Variants in SORCS1 observed in about 807,000 individuals in gnomAD.
SORCS1 encodes the protein sortilin related VPS10 domain containing receptor 1, also known as VPS10 domain-containing receptor SorCS1.
Under a neutral mutation model 146.1 loss-of-function variants are expected in SORCS1, and 60 were observed. The ratio of observed to expected loss-of-function variants is 0.41; its 90% CI spans 0.33 to 0.51. SORCS1 has a LOEUF of 0.51. Among genes scored for constraint, SORCS1 ranks in the 20% least tolerant of loss-of-function variants. SORCS1 has a pLI of 0.21. For missense variants in SORCS1, 1,352 were observed against 1,487.6 expected, an observed-to-expected ratio of 0.91 and a Z score of 1.50; for synonymous variants, 637 against 584.0, an observed-to-expected ratio of 1.09 and a Z score of -1.31.
chr10:106,802,430 C>A (rs1390363544), intron 3 of SORCS1, among the ~76,000 whole-genome samples: 1 of 151,916 alleles, frequency 6.6e-6, no homozygotes, highest in East Asian at 1.9e-4. Context: ...CTCCCGGGTT[C>A]AAACAATCCT....
intron 1 of SORCS1, among the ~76,000 whole-genome samples, chr10:106,999,748 T>A (rs74600953): frequency 0.033 from 5,045 of 152,268 alleles, 267 homozygotes; most frequent in African/African-American, 0.11. Context: ...TTAATTCAGG[T>A]TTTACAAATT....
Position 106,970,336 on chromosome 10 carries a change from C to CTTTTT in SORCS1, c.559-13761_559-13757dup, listed in dbSNP as rs766818370. The stretch of plus-strand genomic sequence containing the variant: ...TTCCCTCCAAATGTAACCAACATCT[C>CTTTTT]TTTTTTTTTTTTTTTTTTTGAGATG... On this transcript the variant is annotated intron_variant, in intron 1 of 25. Coordinates refer to ENST00000263054, the MANE Select transcript of SORCS1 (RefSeq NM_052918.5). 1.7e-3 allele frequency among the ~76,000 whole-genome samples: 152 copies of CTTTTT among 89,412 alleles called. 20 individuals are homozygous for CTTTTT. Among genetic ancestry groups the CTTTTT allele is most frequent in the African/African-American group, 7.5e-3 (139 of 18,448 alleles). The allele number at this position is 89,412 out of a possible 152,430, so 58.7% of individuals were successfully genotyped here.
chr10:106,740,792 C>T (rs1857307753), intron 5 of SORCS1, among the ~76,000 whole-genome samples: 1 of 152,176 alleles, frequency 6.6e-6, no homozygotes, highest in Admixed American at 6.5e-5. Flanking sequence ...AAAATTCATA[C>T]ATGACACAAA....
intron 1 of SORCS1, among the ~76,000 whole-genome samples, chr10:106,969,201 T>A (rs930209314): frequency 7.2e-5 from 11 of 152,242 alleles, no homozygotes; most frequent in Admixed American, 6.5e-4. Context: ...TTCCATGTGA[T>A]TCTAGTTCTA....
intron 2 of SORCS1, among the ~76,000 whole-genome samples, chr10:106,912,823 C>G (rs529042840): frequency 6.6e-6 from 1 of 152,012 alleles, no homozygotes; most frequent in African/African-American, 2.4e-5. Flanking sequence ...GGACTACAGG[C>G]GCACACCACC....
rs185444788 is a variant in SORCS1 at position 106,677,506 on chromosome 10, A to T, written c.1741-102T>A. ...TGAGAACAAAAATCCTTCCCATGAT[A>T]AAAATAGGTTTCCCTAAATCTTTGC... On this transcript the variant is annotated intron_variant, in intron 12 of 25. Transcript: ENST00000263054. The T allele has an allele frequency of 7.9e-6, 8 of 1,010,268 alleles. No individual in the cohort carries two copies. The Admixed American group carries it at 8.5e-5, about 11-fold the overall frequency. 62.6% of individuals were successfully genotyped at this position (1,010,268 alleles called of 1,614,324 possible). A position where few individuals can be genotyped will look rare whatever the true frequency, so the allele number is the denominator to read the frequency against.
intron 1 of SORCS1, among the ~76,000 whole-genome samples, chr10:107,081,239 T>C (rs530530008): frequency 6.6e-6 from 1 of 152,282 alleles, no homozygotes; most frequent in South Asian, 2.1e-4. Flanking sequence ...TAAGAAGACA[T>C]CTGAAAATTT....
At chr10:107,046,653 T>C (rs566317641) in intron 1 of SORCS1, among the ~76,000 whole-genome samples, 261 of 152,220 alleles carry the variant, frequency 1.7e-3, no homozygotes, top group Non-Finnish European at 2.9e-3. Flanking sequence ...AAGAAGTGTA[T>C]TTTTGATATA....
At chr10:106,961,283 A>G (rs971272256) in intron 1 of SORCS1, among the ~76,000 whole-genome samples, 1 of 152,214 alleles carries the variant, frequency 6.6e-6, no homozygotes, top group African/African-American at 2.4e-5. Context: ...CAGTCATGTA[A>G]CACCTTTGAC....
intron 2 of SORCS1, among the ~76,000 whole-genome samples, chr10:106,844,425 G>A (rs1376579177): frequency 6.6e-6 from 1 of 151,764 alleles, no homozygotes; most frequent in Non-Finnish European, 1.5e-5. Flanking sequence ...TTTTCTTCTA[G>A]GAGTTTCATG....
At chr10:107,110,638 A>G (rs1248609642) in intron 1 of SORCS1, among the ~76,000 whole-genome samples, 1 of 99,370 alleles carries the variant, frequency 1.0e-5, no homozygotes, top group Non-Finnish European at 2.0e-5. Context: ...CCCCACCACC[A>G]CCACTGCATT....
intron 5 of SORCS1, among the ~76,000 whole-genome samples, chr10:106,745,476 G>A (rs913577082): frequency 6.6e-6 from 1 of 151,980 alleles, no homozygotes; most frequent in Admixed American, 6.6e-5. Context: ...CTAGAATTGA[G>A]CTTATTCACC....
At chr10:106,841,477 T>C (rs1589524601) in intron 2 of SORCS1, among the ~76,000 whole-genome samples, 1 of 150,358 alleles carries the variant, frequency 6.7e-6, no homozygotes, top group Non-Finnish European at 1.5e-5. Flanking sequence ...TTCAATAAAA[T>C]ACACACACAC....
intron 3 of SORCS1, among the ~76,000 whole-genome samples, chr10:106,789,108 T>A (rs1230442158): frequency 6.6e-6 from 1 of 152,188 alleles, no homozygotes; most frequent in Non-Finnish European, 1.5e-5. Flanking sequence ...AGCTGTGTGG[T>A]GGTCCCTTTC....
intron 3 of SORCS1, among the ~76,000 whole-genome samples, chr10:106,779,958 C>CT (rs1720883349): frequency 6.6e-6 from 1 of 152,108 alleles, no homozygotes; most frequent in South Asian, 2.1e-4. Flanking sequence ...TAAGTAAAAT[C>CT]TTATTATTTT....
rs529781320 is a variant in SORCS1, at chr10:106,739,076, A to G, written c.960-8962T>C. On this transcript the variant is annotated intron_variant, in intron 5 of 25. Transcript: ENST00000263054. Reference sequence around the variant, plus strand: ...GATCAGAAAGGTTGGGTAAATATTAAAAGTAATAAGAGACCAAGCAAAGAA... The same window carrying G: ...GATCAGAAAGGTTGGGTAAATATTAGAAGTAATAAGAGACCAAGCAAAGAA... Among the ~76,000 whole-genome samples the G allele has an allele frequency of 2.0e-5, 3 of 152,330 alleles. No individual in the cohort carries two copies. The East Asian group carries it at 5.8e-4, about 29-fold the overall frequency.
chr10:106,860,251 A>G (rs1157478335), intron 2 of SORCS1, among the ~76,000 whole-genome samples: 1 of 152,206 alleles, frequency 6.6e-6, no homozygotes, highest in Non-Finnish European at 1.5e-5. Flanking sequence ...ATAAGGGTAA[A>G]GATAAATTTG....
intron 1 of SORCS1, among the ~76,000 whole-genome samples, chr10:107,068,145 C>T (rs1230867156): frequency 6.6e-6 from 1 of 152,168 alleles, no homozygotes; most frequent in African/African-American, 2.4e-5. Context: ...CATCCTCCTT[C>T]CCCTCCCTAG....
chr10:107,098,824 A>G (rs1157095082), intron 1 of SORCS1, among the ~76,000 whole-genome samples: 1 of 152,208 alleles, frequency 6.6e-6, no homozygotes, highest in Non-Finnish European at 1.5e-5. Flanking sequence ...ACACATATTA[A>G]TATTCCCATT....
Sources: allele counts gnomAD v4.1 joint callset (sites outside exome capture counted in the v4.1 genomes callset), GRCh38; gene constraint gnomAD v4.1.1; transcripts MANE v1.5; gene names NCBI Gene and HGNC (gene_info 2026-07-23, HGNC 2026-07-21).